Variants in PUM3 observed in about 807,000 individuals in gnomAD.
The protein encoded by PUM3 is pumilio homolog 3.
Under a neutral mutation model 84.0 loss-of-function variants are expected in PUM3, and 91 were observed. The ratio of observed to expected loss-of-function variants is 1.08; its 90% confidence interval spans 0.91 to 1.29. The LOEUF (loss-of-function observed/expected upper bound fraction) is 1.29. Among genes scored for constraint, PUM3 ranks in the 50% most tolerant of loss-of-function variants. PUM3 has a pLI of 0.00. For synonymous variants in PUM3, 321 were observed against 266.7 expected, an observed-to-expected ratio of 1.20 and a Z score of -1.98; for missense variants, 1,067 against 767.5, an observed-to-expected ratio of 1.39 and a Z score of -4.61.
chr9:2,842,002 C>T (rs2079438415), intron 1 of PUM3, among the ~76,000 whole-genome samples: 1 of 152,172 alleles, frequency 6.6e-6, no homozygotes, highest in African/African-American at 2.4e-5. Context: ...GTATTCAACT[C>T]CTTCCCTCTT....
At chr9:2,841,585 A>G (rs1331138676) in intron 1 of PUM3, among the ~76,000 whole-genome samples, 3 of 152,142 alleles carry the variant, frequency 2.0e-5, no homozygotes, top group Non-Finnish European at 2.9e-5. Flanking sequence ...AAACTACCAT[A>G]GCAATTAATA....
intron 15 of PUM3, among the ~76,000 whole-genome samples, chr9:2,811,135 A>G (rs906861994): frequency 6.6e-6 from 1 of 152,184 alleles, no homozygotes; most frequent in African/African-American, 2.4e-5. Flanking sequence ...CAATGATTTC[A>G]TTCATAAGCA....
rs775337238 is a variant in PUM3 at position 2,810,448 on chromosome 9, A to G, written c.1636-17T>C. On this transcript the variant is annotated splice_polypyrimidine_tract_variant and intron_variant, in intron 15 of 17. Transcript: ENST00000397885. ...AATGTGAAGCTATGAAGGGTCAAGAACAGTTAATTTTAAAAGTTGTTTTCA... is the reference window on the plus strand; with the variant it reads ...AATGTGAAGCTATGAAGGGTCAAGAGCAGTTAATTTTAAAAGTTGTTTTCA... The G allele has an allele frequency of 8.1e-5, 125 of 1,551,574 alleles. No individual in the cohort carries two copies. Among genetic ancestry groups the G allele is most frequent in the Non-Finnish European group, 1.1e-4 (123 of 1,138,612 alleles).
chr9:2,839,272 A>G (rs990872287), intron 1 of PUM3, among the ~76,000 whole-genome samples: 1 of 152,204 alleles, frequency 6.6e-6, no homozygotes, highest in East Asian at 1.9e-4. Flanking sequence ...TCATTTCTCC[A>G]CTTTCCAAAG....
chr9:2,839,149 C>T (rs1000166631), intron 1 of PUM3, among the ~76,000 whole-genome samples: 4 of 152,248 alleles, frequency 2.6e-5, no homozygotes, highest in South Asian at 4.1e-4. Context: ...GTCTAATAGG[C>T]GCTTTATAGG....
chr9:2,810,097 G>T (rs1222636850), intron 16 of PUM3, among the ~76,000 whole-genome samples: 1 of 151,146 alleles, frequency 6.6e-6, no homozygotes. Context: ...AGAGAGTGAG[G>T]GGGCGGTGGG....
intron 13 of PUM3, among the ~76,000 whole-genome samples, chr9:2,814,336 G>A (rs543452516): frequency 2.8e-5 from 4 of 144,802 alleles, no homozygotes; most frequent in Admixed American, 6.9e-5. Flanking sequence ...CTCAGCCTCC[G>A]GAGTAGCTGG....
At chr9:2,821,726 G>GT (rs1425396473) in intron 12 of PUM3, among the ~76,000 whole-genome samples, 8 of 152,098 alleles carry the variant, frequency 5.3e-5, no homozygotes, top group African/African-American at 1.9e-4. Context: ...TAAAATGCAG[G>GT]TATGAGCTGA....
At chr9:2,828,316 T>C (rs944676583) in intron 9 of PUM3, among the ~76,000 whole-genome samples, 1 of 152,232 alleles carries the variant, frequency 6.6e-6, no homozygotes, top group Non-Finnish European at 1.5e-5. Flanking sequence ...GCTAGAATTA[T>C]AGGCGTGAGC....
intron 8 of PUM3, among the ~76,000 whole-genome samples, chr9:2,829,088 G>C (rs1193216299): frequency 6.6e-6 from 1 of 152,182 alleles, no homozygotes; most frequent in East Asian, 1.9e-4. Flanking sequence ...GCCACCATAT[G>C]TTTTATAATT....
intron 13 of PUM3, among the ~76,000 whole-genome samples, chr9:2,814,198 A>T (rs1298977277): frequency 6.6e-6 from 1 of 152,272 alleles, no homozygotes; most frequent in Non-Finnish European, 1.5e-5. Flanking sequence ...AACAAGCTCC[A>T]AAGTGAACTC....
chr9:2,834,244 G>C, intron 3 of PUM3, 78 bp from the exon 4 acceptor site: 2 of 1,262,718 alleles, frequency 1.6e-6, no homozygotes, highest in Non-Finnish European at 2.2e-6. Context: ...GGTAAAAAGG[G>C]CAATCACTAA....
At chr9:2,830,546 C>G (rs1042995651) in intron 7 of PUM3, among the ~76,000 whole-genome samples, 6 of 152,154 alleles carry the variant, frequency 3.9e-5, no homozygotes, top group Non-Finnish European at 8.8e-5. Context: ...TTCTCTTCTT[C>G]CAGAGGTTCA....
At chr9:2,814,731 AAAAC>A (rs1374038848) in intron 13 of PUM3, among the ~76,000 whole-genome samples, 1 of 152,254 alleles carries the variant, frequency 6.6e-6, no homozygotes, top group African/African-American at 2.4e-5. Context: ...AACAAAAACA[AAAAC>A]AAAATTTCGC....
chr9:2,839,597 G>A (rs1418787886), intron 1 of PUM3, among the ~76,000 whole-genome samples: 1 of 152,142 alleles, frequency 6.6e-6, no homozygotes, highest in Non-Finnish European at 1.5e-5. Flanking sequence ...ACATCATAAG[G>A]GAACAGCAGA....
intron 3 of PUM3, among the ~76,000 whole-genome samples, 180 bp downstream of exon 3, chr9:2,837,000 C>T (rs1179843847): frequency 1.3e-5 from 2 of 152,152 alleles, no homozygotes; most frequent in African/African-American, 2.4e-5. Flanking sequence ...AAATAAGAAA[C>T]TCTAAGCACC....
intron 9 of PUM3, 91 bp from the exon 10 acceptor site, chr9:2,827,242 A>C: frequency 1.2e-6 from 1 of 803,146 alleles, no homozygotes; most frequent in Non-Finnish European, 2.0e-6. Flanking sequence ...AAAGTAATCT[A>C]AACAAGTGAA....
intron 16 of PUM3, among the ~76,000 whole-genome samples, chr9:2,809,471 T>C (rs1460353035): frequency 6.6e-6 from 1 of 152,184 alleles, no homozygotes; most frequent in Non-Finnish European, 1.5e-5. Context: ...ACAAAAAAAT[T>C]TAGTGAAAAA....
intron 12 of PUM3, 21 bp from the exon 13 acceptor site, chr9:2,820,119 C>T (rs1217205875): frequency 6.5e-7 from 1 of 1,537,026 alleles, no homozygotes; most frequent in Admixed American, 1.7e-5. Flanking sequence ...TGGAAGCCAG[C>T]AAAGGTTAAA....
Sources: allele counts gnomAD v4.1 joint callset (sites outside exome capture counted in the v4.1 genomes callset), GRCh38; gene constraint gnomAD v4.1.1; transcripts MANE v1.5; gene names NCBI Gene and HGNC (gene_info 2026-07-23, HGNC 2026-07-21).